Variants in RNF24 observed in about 807,000 individuals in gnomAD.
RNF24 encodes ring finger protein 24.
In RNF24, 14 loss-of-function variants were observed where a neutral mutation model predicts 20.0. The ratio of observed to expected loss-of-function variants is 0.70; its 90% CI spans 0.46 to 1.10. The LOEUF is 1.10. RNF24 is among the 50% of genes least tolerant of loss of function. The pLI is 0.00. For missense variants in RNF24, 124 were observed against 177.6 expected (o/e 0.70, Z 1.71); for synonymous variants, 45 against 61.1 (o/e 0.74, Z 1.23).
intron 1 of RNF24, among the ~76,000 whole-genome samples, chr20:4,014,739 G>GCACACACA (rs146278311): frequency 0.011 from 1,553 of 143,736 alleles, 17 homozygotes; most frequent in Middle Eastern, 0.024. Flanking sequence ...ACTTGAATGC[G>GCACACACA]CACACACACA....
intron 2 of RNF24, among the ~76,000 whole-genome samples, chr20:3,963,440 G>A (rs1025618512): frequency 1.3e-5 from 2 of 152,190 alleles, no homozygotes; most frequent in East Asian, 3.8e-4. Flanking sequence ...TGATCCACTC[G>A]CCTGGGCCTC....
At chr20:3,983,411 G>C (rs1248701477) in intron 1 of RNF24, among the ~76,000 whole-genome samples, 1 of 151,848 alleles carries the variant, frequency 6.6e-6, no homozygotes, top group Admixed American at 6.6e-5. Flanking sequence ...GTTATTTCTA[G>C]CATTTAAAAA....
intron 1 of RNF24, among the ~76,000 whole-genome samples, chr20:3,969,058 C>T (rs567433788): frequency 1.6e-4 from 24 of 151,990 alleles, no homozygotes; most frequent in Non-Finnish European, 2.9e-4. Context: ...TTCTATGTCT[C>T]GGTTTCCTCA....
chr20:3,984,271 C>T (rs755821147), intron 1 of RNF24, among the ~76,000 whole-genome samples: 10 of 151,960 alleles, frequency 6.6e-5, no homozygotes, highest in Non-Finnish European at 1.3e-4. Flanking sequence ...AAGCTTTTGG[C>T]AAATTAGAAG....
intron 1 of RNF24, among the ~76,000 whole-genome samples, chr20:3,981,759 T>C (rs1375081848): frequency 6.6e-6 from 1 of 152,200 alleles, no homozygotes; most frequent in Non-Finnish European, 1.5e-5. Context: ...TCAACACTAC[T>C]CTTCCTCTTT....
chr20:3,934,335 G>C lies in RNF24; in HGVS notation c.309-134C>G, dbSNP rs2090864464. 1 of 818,772 alleles carries C rather than the reference G, an allele frequency of 1.2e-6. No individual in the cohort carries two copies. Among genetic ancestry groups the C allele is most frequent in the African/African-American group, 1.8e-5 (1 of 55,316 alleles). The allele number at this position is 818,772 out of a possible 1,614,324, so 50.7% of individuals were successfully genotyped here. On this transcript the variant is annotated intron_variant, in intron 5 of 5. Coordinates refer to ENST00000358395, the MANE Select transcript of RNF24 (RefSeq NM_001134337.3). The surrounding 1 kb of genome is among the most constrained non-coding windows in gnomAD (Gnocchi z 4.0). ...CCAAGGAGCTCCCCTCCTAGGTGGT[G>C]AACGGATGTCACCCCCTGGAGAGAG...
At chr20:3,936,838 G>A (rs968001321) in intron 4 of RNF24, among the ~76,000 whole-genome samples, 10 of 152,070 alleles carry the variant, frequency 6.6e-5, no homozygotes, top group African/African-American at 2.4e-4. Flanking sequence ...CCAAACAGGA[G>A]TTTCTTTTTT....
At chr20:3,944,512 A>G (rs2090994327) in intron 4 of RNF24, among the ~76,000 whole-genome samples, 1 of 152,210 alleles carries the variant, frequency 6.6e-6, no homozygotes, top group Admixed American at 6.5e-5. Flanking sequence ...TTAAACACCA[A>G]TTAGAAAACC....
intron 2 of RNF24, among the ~76,000 whole-genome samples, chr20:3,951,449 T>A (rs982733877): frequency 6.6e-6 from 1 of 152,202 alleles, no homozygotes; most frequent in Admixed American, 6.5e-5. Flanking sequence ...TATACTCTAT[T>A]ATTTTCTCAA....
At chr20:3,951,007 G>A (rs1019974877) in intron 2 of RNF24, among the ~76,000 whole-genome samples, 3 of 152,148 alleles carry the variant, frequency 2.0e-5, no homozygotes, top group Non-Finnish European at 4.4e-5. Context: ...CCAGGCTGGA[G>A]TGCAGTGGCA....
At chr20:3,983,401 G>T (rs1979600502) in intron 1 of RNF24, among the ~76,000 whole-genome samples, 1 of 151,752 alleles carries the variant, frequency 6.6e-6, no homozygotes, top group Admixed American at 6.6e-5. Flanking sequence ...TTTTAAACTG[G>T]TTATTTCTAG....
intron 2 of RNF24, among the ~76,000 whole-genome samples, chr20:3,948,910 T>A (rs1276361481): frequency 6.6e-6 from 1 of 152,254 alleles, no homozygotes; most frequent in African/African-American, 2.4e-5. Flanking sequence ...CATACAGTAT[T>A]CCATTGTATG....
intron 1 of RNF24, among the ~76,000 whole-genome samples, chr20:3,985,036 G>A (rs546586105): frequency 8.7e-5 from 13 of 148,738 alleles, no homozygotes; most frequent in South Asian, 2.1e-4. Context: ...GCAGTTGGGC[G>A]GGGGAACAAC....
chr20:3,958,495 T>C (rs1295559229), intron 2 of RNF24, among the ~76,000 whole-genome samples: 2 of 152,224 alleles, frequency 1.3e-5, no homozygotes, highest in Non-Finnish European at 2.9e-5. Flanking sequence ...TACTGAAATT[T>C]TTCTACCAAA....
intron 1 of RNF24, among the ~76,000 whole-genome samples, chr20:3,965,592 C>A (rs2091249003): frequency 6.6e-6 from 1 of 152,172 alleles, no homozygotes; most frequent in Non-Finnish European, 1.5e-5. Flanking sequence ...TTCCTACATT[C>A]AGATCTTCTT....
intron 2 of RNF24, 117 bp downstream of exon 2, chr20:3,963,741 AAAACGGTAAGCCATCTT>A (rs1178678895): frequency 1.6e-6 from 1 of 642,382 alleles, no homozygotes; most frequent in African/African-American, 1.8e-5. Flanking sequence ...TGCACAGATT[AAAACGGTAAGCCATCTT>A]AATTTTTTAA....
intron 3 of RNF24, among the ~76,000 whole-genome samples, chr20:3,946,212 A>G (rs1278014058): frequency 1.8e-4 from 28 of 152,192 alleles, no homozygotes; most frequent in Admixed American, 1.8e-3. Flanking sequence ...CATGCCTGCA[A>G]TCCCAGCACT....
At chr20:4,000,925 C>T (rs1305250851) in intron 1 of RNF24, among the ~76,000 whole-genome samples, 3 of 152,076 alleles carry the variant, frequency 2.0e-5, no homozygotes, top group African/African-American at 7.2e-5. Context: ...TGTATATCAC[C>T]CTGCTTCTTT....
Position 3,945,151 on chromosome 20 carries a change from A to G in RNF24, c.228+26T>C, listed in dbSNP as rs189765145. On this transcript the variant is annotated intron_variant, in intron 4 of 5. Transcript: ENST00000358395. ...ACCACTGCTACTAGAAAATGGCTCA[A>G]GAGGATTTACTTATCATCAACTTAC... The G allele has an allele frequency of 3.3e-5, 53 of 1,595,514 alleles. No individual in the cohort carries two copies. The African/African-American group carries it at 6.5e-4, about 20-fold the overall frequency.
Sources: gnomAD v4.1 joint callset for allele counts (sites outside exome capture counted in the v4.1 genomes callset) on GRCh38, gnomAD v4.1.1 for gene constraint, Gnocchi (gnomAD v3.1) non-coding constraint, MANE v1.5 for transcripts, NCBI Gene and HGNC (gene_info 2026-07-23, HGNC 2026-07-21) for gene names.